The following LRP1 variants were observed in gnomAD, a reference collection of about 807,000 sequenced individuals.
The protein encoded by LRP1 is LDL receptor related protein 1, also known as prolow-density lipoprotein receptor-related protein 1.
Under a neutral mutation model 541.5 loss-of-function variants are expected in LRP1, and 51 were observed. That is an observed-to-expected ratio of 0.09 (90% CI 0.08 to 0.12). LRP1 has a LOEUF of 0.12. Ranked by LOEUF, LRP1 falls within the 10% of genes least tolerant of loss-of-function variation. LRP1 has a pLI of 1.00. For missense variants in LRP1, 3,878 were observed against 6,376.2 expected, an observed-to-expected ratio of 0.61 and a Z score of 13.34; for synonymous variants, 2,219 against 2,470.8, an observed-to-expected ratio of 0.90 and a Z score of 3.02.
rs560481784 is a variant in LRP1 at position 57,191,188 on chromosome 12, C to T, written c.7237-132C>T. On this transcript the variant is annotated intron_variant, in intron 43 of 88. Transcript: ENST00000243077. ...TCCAGCTTGCTCCTCATCAGCTAGA[C>T]GAGGGAGATAGCAGGATGCCTCTGC... 279 of 1,121,246 alleles carry T rather than the reference C, an allele frequency of 2.5e-4. 1 individual carries two copies. The highest frequency in any genetic ancestry group is 2.4e-3 in the African/African-American group (158 of 64,610). The allele number at this position is 1,121,246 out of a possible 1,614,324, so 69.5% of individuals were successfully genotyped here.
intron 61 of LRP1, among the ~76,000 whole-genome samples, 162 bp from the exon 62 acceptor site, chr12:57,199,715 C>T (rs1193371451): frequency 6.6e-6 from 1 of 152,194 alleles, no homozygotes; most frequent in African/African-American, 2.4e-5. Flanking sequence ...TCAGGCCTGG[C>T]CTGATCCTGG....
rs2136700999 is a variant in LRP1, at chr12:57,177,683, C to T, written c.4361+92C>T. The T allele has an allele frequency of 7.0e-7, 1 of 1,422,812 alleles. No homozygotes were observed. The highest frequency in any genetic ancestry group is 1.3e-5 in the South Asian group (1 of 78,984). 88.1% of individuals were successfully genotyped at this position (1,422,812 alleles called of 1,614,324 possible). On this transcript the variant is annotated intron_variant, in intron 26 of 88. Transcript: ENST00000243077. This position sits in a 1 kb window ranked among gnomAD's most constrained non-coding sequence, Gnocchi z 6.8. ...GTGGTGATGAGGGTGATGAGAAGGA[C>T]CAAGGGATCTAGAACTAGGAACGGT...
At chr12:57,155,828 G>A (rs1289081720) in intron 8 of LRP1, among the ~76,000 whole-genome samples, 2 of 152,190 alleles carry the variant, frequency 1.3e-5, no homozygotes, top group Non-Finnish European at 2.9e-5. Flanking sequence ...GTATGTTCCT[G>A]TAGTCCCAAC....
In LRP1 at chr12:57,179,505, A is replaced by G; in HGVS notation, c.4915A>G (p.Ile1639Val). The G allele has an allele frequency of 1.9e-6, 3 of 1,614,190 alleles. No homozygotes were observed. Among genetic ancestry groups the G allele is most frequent in the Non-Finnish European group, 2.5e-6 (3 of 1,180,014 alleles). The change falls in exon 29 of 89, where the codon ATC becomes GTC. Residue 1639 changes from isoleucine (I) to valine (V), a missense_variant. Transcript: ENST00000243077. This position sits in a 1 kb window ranked among gnomAD's most constrained non-coding sequence, Gnocchi z 6.8. The part of the protein sequence containing the change: ...VYWSDVRTQA[I>V]KRAFINGTGV... The stretch of plus-strand genomic sequence containing the variant: ...CTGGTCTGACGTGCGGACACAGGCC[A>G]TCAAGCGGGCCTTCATCAACGGCAC...
intron 17 of LRP1, chr12:57,166,534 C>G (rs1248783047): frequency 8.9e-5 from 35 of 393,548 alleles, no homozygotes; most frequent in Non-Finnish European, 4.6e-5. Context: ...GCTCTCCAGC[C>G]TAGACAACAG....
Position 57,154,974 on chromosome 12 carries a change from C to T in LRP1, c.1227+273C>T, listed in dbSNP as rs2035592521. On this transcript the variant is annotated intron_variant, in intron 8 of 88. Transcript: ENST00000243077. This position sits in a 1 kb window ranked among gnomAD's most constrained non-coding sequence, Gnocchi z 4.6. ...CTTATAATAACCCCTAGCTGATGAACAGGGAGGTGGTTCAGTTCCCTTTCA... is the reference window on the plus strand; with the variant it reads ...CTTATAATAACCCCTAGCTGATGAATAGGGAGGTGGTTCAGTTCCCTTTCA... 5.1e-6 allele frequency: 3 copies of T among 592,832 alleles called. No homozygotes were observed. Among genetic ancestry groups the T allele is most frequent in the Non-Finnish European group, 6.0e-6 (2 of 333,188 alleles). 36.7% of individuals were successfully genotyped at this position (592,832 alleles called of 1,614,324 possible).
At chr12:57,200,203 C>T in intron 62 of LRP1, 178 bp downstream of exon 62, 3 of 638,456 alleles carry the variant, frequency 4.7e-6, no homozygotes, top group South Asian at 3.9e-5. Context: ...CCCCCGTCAC[C>T]TCACACAGAC....
chr12:57,169,896 C>T (rs918844126), intron 20 of LRP1, among the ~76,000 whole-genome samples: 2 of 152,244 alleles, frequency 1.3e-5, no homozygotes, highest in African/African-American at 4.8e-5. Flanking sequence ...GGAATGCTGG[C>T]TTCCTAGCTC....
intron 45 of LRP1, 80 bp from the exon 46 acceptor site, chr12:57,193,096 C>T: frequency 1.9e-6 from 3 of 1,587,828 alleles, no homozygotes; most frequent in South Asian, 1.1e-5. Flanking sequence ...TGATGATGAC[C>T]TCAGCTCCCC....
chr12:57,132,620 T>G (rs1350831415), intron 1 of LRP1, among the ~76,000 whole-genome samples: 1 of 152,194 alleles, frequency 6.6e-6, no homozygotes. Flanking sequence ...GCTGTCTGTC[T>G]GTCTTTCTGT....
Position 57,142,407 on chromosome 12 carries a change from C to T in LRP1, c.328+896C>T, listed in dbSNP as rs34730096. On this transcript the variant is annotated intron_variant, in intron 3 of 88. Coordinates refer to ENST00000243077, the MANE Select transcript of LRP1 (RefSeq NM_002332.3). The stretch of plus-strand genomic sequence containing the variant: ...AAACATCTGTCTGTGGGAGGAGACT[C>T]ATCTGGATCCTGTTCACTAGGAGCA... 1.5e-3 allele frequency among the ~76,000 whole-genome samples: 233 copies of T among 152,298 alleles called. 2 individuals are homozygous for T. The highest frequency in any genetic ancestry group is 4.9e-3 in the African/African-American group (203 of 41,570).
rs2036212793 is a variant in LRP1, at chr12:57,183,731, CCCTGCCTTATT to C, written c.5795-43_5795-33del. 1.2e-6 allele frequency: 2 copies of C among 1,611,126 alleles called. No individual in the cohort carries two copies. The highest frequency in any genetic ancestry group is 1.7e-6 in the Non-Finnish European group (2 of 1,179,444). ...GTGAGATTTTGACCCCTCACCTTAC[CCCTGCCTTATT>C]GGGCATCCCCATGTCACCTCCTCCA... On this transcript the variant is annotated intron_variant, in intron 35 of 88. Transcript: ENST00000243077. The surrounding 1 kb of genome is among the most constrained non-coding windows in gnomAD (Gnocchi z 6.1).
At chr12:57,151,736 A>G (rs1195744564) in intron 6 of LRP1, among the ~76,000 whole-genome samples, 2 of 152,162 alleles carry the variant, frequency 1.3e-5, no homozygotes, top group African/African-American at 4.8e-5. Context: ...ATCTCTCTAC[A>G]CTGGCCTTGG....
chr12:57,179,581 C>T lies in LRP1; in HGVS notation c.4966+25C>T. 6.3e-7 allele frequency: 1 copy of T among 1,597,022 alleles called. No homozygotes were observed. The highest frequency in any genetic ancestry group is 8.6e-7 in the Non-Finnish European group (1 of 1,165,640). ...GGTTCTTCCTGGCCCTGGATGCCCA[C>T]CAGTGGACATGGGCACCTCCACCCG... On this transcript the variant is annotated intron_variant, in intron 29 of 88. Transcript: ENST00000243077. This position sits in a 1 kb window ranked among gnomAD's most constrained non-coding sequence, Gnocchi z 6.8.
At position 57,184,409 on chromosome 12, in the gene LRP1, A is replaced by G. The variant is rs1164394541; in HGVS notation, c.6143A>G (p.Asn2048Ser). Residue 2048 changes from asparagine (N) to serine (S), a missense_variant, in exon 38 of 89, where the codon AAC becomes AGC. Asn to Ser is a conservative substitution (Grantham distance 46, BLOSUM62 1). Transcript: ENST00000243077. The surrounding 1 kb of genome is among the most constrained non-coding windows in gnomAD (Gnocchi z 7.8). ...LDGTERVVLVNVSISWPNGIS... is the reference protein window; with the variant it reads ...LDGTERVVLVSVSISWPNGIS... ...GGCACGGAGCGTGTGGTGCTGGTCA[A>G]CGTCAGCATCAGCTGGCCCAACGGC... 1 of 1,614,100 alleles carries G rather than the reference A, an allele frequency of 6.2e-7. No homozygotes were observed. The highest frequency in any genetic ancestry group is 8.5e-7 in the Non-Finnish European group (1 of 1,180,038).
Position 57,156,682 on chromosome 12 carries a change from A to G in LRP1, c.1418-95A>G. ...AAATGGGATAGCAAGCACAAAGACCACAGCAGCAGGGGGTGTGGTCAGATT... is the reference window on the plus strand; with the variant it reads ...AAATGGGATAGCAAGCACAAAGACCGCAGCAGCAGGGGGTGTGGTCAGATT... On this transcript the variant is annotated intron_variant, in intron 9 of 88. Transcript: ENST00000243077. This position sits in a 1 kb window ranked among gnomAD's most constrained non-coding sequence, Gnocchi z 5.2. The G allele has an allele frequency of 7.2e-7, 1 of 1,381,236 alleles. No individual in the cohort carries two copies. The highest frequency in any genetic ancestry group is 9.8e-7 in the Non-Finnish European group (1 of 1,022,450). 85.6% of individuals were successfully genotyped at this position (1,381,236 alleles called of 1,614,324 possible).
At position 57,212,271 on chromosome 12, in the gene LRP1, G is replaced by T; in HGVS notation, c.13494+10G>T. 1 of 1,612,814 alleles carries T rather than the reference G, an allele frequency of 6.2e-7. No individual in the cohort carries two copies. The highest frequency in any genetic ancestry group is 1.7e-5 in the Admixed American group (1 of 59,946). ...CCTGGACCCTGACAAGGTGGGCTGG[G>T]AGGCGGGCAGGGTCGAGTGCCAAGA... On this transcript the variant is annotated intron_variant, in intron 88 of 88. Transcript: ENST00000243077. This position sits in a 1 kb window ranked among gnomAD's most constrained non-coding sequence, Gnocchi z 5.0.
intron 6 of LRP1, among the ~76,000 whole-genome samples, chr12:57,151,147 C>T (rs539093521): frequency 1.3e-5 from 2 of 152,120 alleles, no homozygotes; most frequent in African/African-American, 4.8e-5. Context: ...GGGTGGGTCC[C>T]ATGTGTTTGG....
intron 18 of LRP1, 46 bp from the exon 19 acceptor site, chr12:57,167,398 T>C (rs1459158945): frequency 7.5e-7 from 1 of 1,339,272 alleles, no homozygotes. Flanking sequence ...ACTGTGATGC[T>C]GTGTAATCGT....
Sources: gnomAD v4.1 joint callset for allele counts (sites outside exome capture counted in the v4.1 genomes callset) on GRCh38, gnomAD v4.1.1 for gene constraint, Gnocchi (gnomAD v3.1) non-coding constraint, MANE v1.5 for transcripts, NCBI Gene and HGNC (gene_info 2026-07-23, HGNC 2026-07-21) for gene names.